CD28: variants seen among roughly 807,000 people sequenced by gnomAD.
The protein encoded by CD28 is CD28 molecule, also known as T-cell-specific surface glycoprotein CD28.
A neutral mutation model predicts 21.4 loss-of-function variants in CD28; 8 were observed. The observed-to-expected ratio is 0.37, with a 90% CI of 0.22 to 0.68. The LOEUF (loss-of-function observed/expected upper bound fraction) is 0.68, where lower values mean the gene tolerates loss of function less well. CD28 is among the 30% of genes least tolerant of loss of function. The pLI is 0.55. For synonymous variants in CD28, 106 were observed against 104.0 expected (o/e 1.02, Z -0.12); for missense variants, 239 against 272.2 (o/e 0.88, Z 0.86).
chr2:203,721,487 C>T (rs1363187998), intron 1 of CD28, among the ~76,000 whole-genome samples: 1 of 152,100 alleles, frequency 6.6e-6, no homozygotes, highest in African/African-American at 2.4e-5. Context: ...GCCCAGACTA[C>T]TCTTTTTCTC....
chr2:203,730,979 G>C (rs1439107594), intron 3 of CD28, among the ~76,000 whole-genome samples: 3 of 152,148 alleles, frequency 2.0e-5, no homozygotes, highest in Non-Finnish European at 4.4e-5. Flanking sequence ...GACTCTTCTT[G>C]GCCTATTGCC....
chr2:203,736,237 G>A lies in CD28; in HGVS notation c.*1325G>A, dbSNP rs200156667. ...AGAATACTGTGAAAAAGGGATGTTAGCATTCATTAGAGTATGAGGATGAGT... is the reference window on the plus strand; with the variant it reads ...AGAATACTGTGAAAAAGGGATGTTAACATTCATTAGAGTATGAGGATGAGT... On this transcript the variant is annotated 3_prime_UTR_variant, in exon 4 of 4. Transcript: ENST00000324106. 6.6e-6 allele frequency: 1 copy of A among 152,620 alleles called. No homozygotes were observed. Among genetic ancestry groups the A allele is most frequent in the African/African-American group, 2.4e-5 (1 of 41,434 alleles). 9.5% of individuals were successfully genotyped at this position (152,620 alleles called of 1,614,324 possible).
chr2:203,734,614 G>C lies in CD28; in HGVS notation c.535-170G>C, dbSNP rs184145426. ...AGATTTTTCAAGTTCAATGTGAAGA[G>C]TCAGTAGTTGGGTGTGATTAGTCAT... On this transcript the variant is annotated intron_variant, in intron 3 of 3. Transcript: ENST00000324106. Among the ~76,000 whole-genome samples, 5 of 152,332 alleles carry C rather than the reference G, an allele frequency of 3.3e-5. No homozygotes were observed. The East Asian group carries it at 9.6e-4, about 29-fold the overall frequency.
chr2:203,732,879 G>A (rs922410976), intron 3 of CD28, among the ~76,000 whole-genome samples: 10 of 152,188 alleles, frequency 6.6e-5, no homozygotes, highest in African/African-American at 2.4e-4. Flanking sequence ...GGATAAGCAT[G>A]GGAGCTGACT....
intron 1 of CD28, among the ~76,000 whole-genome samples, chr2:203,721,134 C>T (rs1440093419): frequency 6.6e-6 from 1 of 152,146 alleles, no homozygotes; most frequent in Non-Finnish European, 1.5e-5. Flanking sequence ...CAAACGATTT[C>T]AAGCACAGTA....
At chr2:203,730,827 T>C (rs1435905678) in intron 3 of CD28, among the ~76,000 whole-genome samples, 1 of 152,242 alleles carries the variant, frequency 6.6e-6, no homozygotes, top group Non-Finnish European at 1.5e-5. Flanking sequence ...AATCTGTATA[T>C]GTACCTAATT....
chr2:203,732,257 T>G (rs1693914233), intron 3 of CD28, among the ~76,000 whole-genome samples: 1 of 152,124 alleles, frequency 6.6e-6, no homozygotes, highest in African/African-American at 2.4e-5. Flanking sequence ...CTGAGCGGGT[T>G]TCTGGGAGCA....
chr2:203,708,068 C>T (rs1307047904), intron 1 of CD28, among the ~76,000 whole-genome samples: 1 of 152,124 alleles, frequency 6.6e-6, no homozygotes, highest in Non-Finnish European at 1.5e-5. Context: ...CATTGAAAAG[C>T]CAGTATCCTC....
intron 1 of CD28, among the ~76,000 whole-genome samples, chr2:203,710,485 T>C (rs1288536113): frequency 6.6e-6 from 1 of 152,244 alleles, no homozygotes; most frequent in Non-Finnish European, 1.5e-5. Flanking sequence ...ACTTTTACTA[T>C]GGGTGGGGAG....
chr2:203,730,297 A>C (rs1318415734), intron 3 of CD28, among the ~76,000 whole-genome samples: 1 of 152,158 alleles, frequency 6.6e-6, no homozygotes, highest in Non-Finnish European at 1.5e-5. Context: ...GAGGCCAAGT[A>C]TGGTGCTGTC....
At chr2:203,720,136 A>G (rs1411022797) in intron 1 of CD28, among the ~76,000 whole-genome samples, 17 of 152,164 alleles carry the variant, frequency 1.1e-4, no homozygotes, top group Admixed American at 1.1e-3. Flanking sequence ...TACCTTGCTC[A>G]CAAGCAGCAG....
At chr2:203,719,389 T>A (rs1483449229) in intron 1 of CD28, among the ~76,000 whole-genome samples, 1 of 152,212 alleles carries the variant, frequency 6.6e-6, no homozygotes, top group Non-Finnish European at 1.5e-5. Context: ...GTTCTGGTCC[T>A]CTTCCCATTC....
chr2:203,733,582 A>C (rs1287196757), intron 3 of CD28, among the ~76,000 whole-genome samples: 1 of 151,686 alleles, frequency 6.6e-6, no homozygotes, highest in Non-Finnish European at 1.5e-5. Context: ...GAGGATAGAG[A>C]AGAAGGCCTA....
At chr2:203,733,971 A>T (rs967866907) in intron 3 of CD28, among the ~76,000 whole-genome samples, 1 of 152,206 alleles carries the variant, frequency 6.6e-6, no homozygotes, top group Non-Finnish European at 1.5e-5. Flanking sequence ...GTACAGCATT[A>T]TCTACTTAGG....
intron 1 of CD28, among the ~76,000 whole-genome samples, chr2:203,720,217 AG>A (rs1291176034): frequency 1.3e-5 from 2 of 152,210 alleles, no homozygotes; most frequent in African/African-American, 4.8e-5. Flanking sequence ...TGAGGGAAAG[AG>A]GTTTGAGGTT....
At chr2:203,720,262 A>G (rs1347686034) in intron 1 of CD28, among the ~76,000 whole-genome samples, 1 of 152,220 alleles carries the variant, frequency 6.6e-6, no homozygotes, top group Non-Finnish European at 1.5e-5. Flanking sequence ...TAGCTGGTTT[A>G]GCTGCTAGGA....
intron 2 of CD28, among the ~76,000 whole-genome samples, chr2:203,728,222 T>C (rs1266839061): frequency 6.6e-6 from 1 of 152,252 alleles, no homozygotes; most frequent in African/African-American, 2.4e-5. Flanking sequence ...AACTTTTTCA[T>C]AGTCAAAAAC....
At chr2:203,723,727 A>G (rs1693668849) in intron 1 of CD28, among the ~76,000 whole-genome samples, 1 of 152,196 alleles carries the variant, frequency 6.6e-6, no homozygotes, top group Admixed American at 6.5e-5. Context: ...CTATAATAGA[A>G]AAGATGAACA....
intron 1 of CD28, among the ~76,000 whole-genome samples, chr2:203,707,444 G>C (rs1693189827): frequency 6.6e-6 from 1 of 152,142 alleles, no homozygotes; most frequent in Non-Finnish European, 1.5e-5. Flanking sequence ...AATGTGAACT[G>C]TAATTACTCT....
Sources: allele counts gnomAD v4.1 joint callset (sites outside exome capture counted in the v4.1 genomes callset), GRCh38; gene constraint gnomAD v4.1.1; transcripts MANE v1.5; gene names NCBI Gene and HGNC (gene_info 2026-07-23, HGNC 2026-07-21).